Variants in REX1BD observed in about 807,000 individuals in gnomAD.
The protein encoded by REX1BD is required for excision 1-B domain containing, also known as required for excision 1-B domain-containing protein.
In REX1BD, 22 loss-of-function variants were observed where a neutral mutation model predicts 24.4. The observed-to-expected ratio is 0.90, with a 90% CI of 0.64 to 1.29. The LOEUF (loss-of-function observed/expected upper bound fraction) is 1.29. Ranked by LOEUF, REX1BD falls within the 50% of genes most tolerant of loss-of-function variation. REX1BD has a pLI of 0.00. For missense variants in REX1BD, 293 were observed against 285.3 expected, an observed-to-expected ratio of 1.03 and a Z score of -0.19; for synonymous variants, 146 against 125.9, an observed-to-expected ratio of 1.16 and a Z score of -1.07.
intron 4 of REX1BD, 99 bp from the exon 5 acceptor site, chr19:18,592,009 G>T: frequency 7.1e-7 from 1 of 1,413,910 alleles, no homozygotes; most frequent in Non-Finnish European, 9.9e-7. Flanking sequence ...GGGCAGGAGG[G>T]CCTGGGGCTC....
At chr19:18,589,321 T>C (rs1192043867) in intron 2 of REX1BD, 92 bp from the exon 3 acceptor site, 2 of 1,545,906 alleles carry the variant, frequency 1.3e-6, no homozygotes, top group African/African-American at 1.4e-5. Context: ...GGTGGGCCTG[T>C]CTCGCGTTCC....
In REX1BD at chr19:18,589,340, A is replaced by G. The variant is rs994846767; in HGVS notation, c.183-73A>G. ...GGCCTGTCTCGCGTTCCCCTGCGGGAGTCAGGAAGCGTCCTTCCTACCTAC... is the reference window on the plus strand; with the variant it reads ...GGCCTGTCTCGCGTTCCCCTGCGGGGGTCAGGAAGCGTCCTTCCTACCTAC... On this transcript the variant is annotated intron_variant, in intron 2 of 4. Coordinates refer to ENST00000358607, the MANE Select transcript of REX1BD (RefSeq NM_001100418.2). 7.1e-6 allele frequency: 11 copies of G among 1,548,348 alleles called. No homozygotes were observed. In the Admixed American group the frequency reaches 1.4e-4, roughly 19 times the overall value.
At position 18,589,314 on chromosome 19, in the gene REX1BD, G is replaced by A. The variant is rs183249663; in HGVS notation, c.183-99G>A. On this transcript the variant is annotated intron_variant, in intron 2 of 4. Coordinates refer to ENST00000358607, the MANE Select transcript of REX1BD (RefSeq NM_001100418.2). Reference sequence around the variant, plus strand: ...CTCTCTCCTCCCCAAGAGCAGGGGTGGGCCTGTCTCGCGTTCCCCTGCGGG... The same window carrying A: ...CTCTCTCCTCCCCAAGAGCAGGGGTAGGCCTGTCTCGCGTTCCCCTGCGGG... 1,458 of 1,544,724 alleles carry A rather than the reference G, an allele frequency of 9.4e-4. 25 individuals are homozygous for A. The Admixed American group carries it at 0.023, about 25-fold the overall frequency.
chr19:18,589,749 C>T (rs1359905718), intron 3 of REX1BD, 66 bp downstream of exon 3: 4 of 1,431,080 alleles, frequency 2.8e-6, no homozygotes, highest in Non-Finnish European at 3.6e-6. Flanking sequence ...ATGACGCACC[C>T]CTGGTTGGGG....
At chr19:18,590,675 C>T in intron 3 of REX1BD, 179 bp from the exon 4 acceptor site, 3 of 590,804 alleles carry the variant, frequency 5.1e-6, no homozygotes, top group Non-Finnish European at 8.9e-6. Flanking sequence ...CTGCTGTCTC[C>T]TTTCTGAGAG....
At chr19:18,590,225 T>TTGTTTTTCTTTTG (rs1481326591) in intron 3 of REX1BD, 1 of 127,244 alleles carries the variant, frequency 7.9e-6, no homozygotes, top group African/African-American at 3.0e-5. Context: ...TTTTTTTTTT[T>TTGTTTTTCTTTTG]TTTTTTTTTT....
In REX1BD at chr19:18,589,016, C is replaced by T; in HGVS notation, c.121C>T (p.Leu41=). 6.5e-7 allele frequency: 1 copy of T among 1,527,956 alleles called. No individual in the cohort carries two copies. Among genetic ancestry groups the T allele is most frequent in the Non-Finnish European group, 8.7e-7 (1 of 1,143,930 alleles). 94.6% of individuals were successfully genotyped at this position (1,527,956 alleles called of 1,614,324 possible). A position where few individuals can be genotyped will look rare whatever the true frequency, so the allele number is the denominator to read the frequency against. ...GCAGAAAGACGCCCCGATCCGGACGCTGGTGCAGCGCATCCACCAGCTGCA... is the reference window on the plus strand; with the variant it reads ...GCAGAAAGACGCCCCGATCCGGACGTTGGTGCAGCGCATCCACCAGCTGCA... ...WPWKDAPIRT[L]VQRIHQLQAE... Residue 41 remains leucine, a synonymous_variant, in exon 2 of 5, where the codon CTG becomes TTG. Coordinates refer to ENST00000358607, the MANE Select transcript of REX1BD (RefSeq NM_001100418.2).
chr19:18,592,184 C>T lies in REX1BD; in HGVS notation c.*4C>T, dbSNP rs773417773. ...TGATGCGGAATCTGCCGAGTGATGG[C>T]GGCTCCCCAGGGATGCGCCGAGGGA... On this transcript the variant is annotated 3_prime_UTR_variant, in exon 5 of 5. Coordinates refer to ENST00000358607, the MANE Select transcript of REX1BD (RefSeq NM_001100418.2). 12 of 1,613,864 alleles carry T rather than the reference C, an allele frequency of 7.4e-6. No homozygotes were observed. The East Asian group carries it at 8.9e-5, about 12-fold the overall frequency.
chr19:18,589,190 G>A lies in REX1BD; in HGVS notation c.182+113G>A, dbSNP rs532764439. 123 of 1,494,158 alleles carry A rather than the reference G, an allele frequency of 8.2e-5. No homozygotes were observed. The African/African-American group carries it at 1.6e-3, about 20-fold the overall frequency. The allele number at this position is 1,494,158 out of a possible 1,614,324, so 92.6% of individuals were successfully genotyped here. A position where few individuals can be genotyped will look rare whatever the true frequency, so the allele number is the denominator to read the frequency against. On this transcript the variant is annotated intron_variant, in intron 2 of 4. Transcript: ENST00000358607. ...AGCTGGGTCCTTGTGTGGCTGCAGA[G>A]TCAGATGGGGCGGGGATTTCGGGGC...
In REX1BD at chr19:18,589,145, G is replaced by A. The variant is rs376425640; in HGVS notation, c.182+68G>A. 48 of 1,463,368 alleles carry A rather than the reference G, an allele frequency of 3.3e-5. No individual in the cohort carries two copies. In the African/African-American group the frequency reaches 5.7e-4, roughly 17 times the overall value. 90.6% of individuals were successfully genotyped at this position (1,463,368 alleles called of 1,614,324 possible). On this transcript the variant is annotated intron_variant, in intron 2 of 4. Transcript: ENST00000358607. ...CGCTCCGGGCGTGGGCGTGTTCTCG[G>A]CGGGCGTGCCTGGAGGAGGAGCTGG... is the stretch of plus-strand genomic sequence containing the variant.
intron 2 of REX1BD, 43 bp downstream of exon 2, chr19:18,589,120 C>T: frequency 1.4e-6 from 2 of 1,461,306 alleles, no homozygotes; most frequent in Non-Finnish European, 9.0e-7. Context: ...GTCCCCCGCC[C>T]GCTCCGGGCG....
chr19:18,589,357 C>T, intron 2 of REX1BD, 56 bp from the exon 3 acceptor site: 1 of 1,550,054 alleles, frequency 6.5e-7, no homozygotes, highest in Non-Finnish European at 8.7e-7. Context: ...AAGCGTCCTT[C>T]CTACCTACCA....
At chr19:18,590,013 C>G in intron 3 of REX1BD, 1 of 334,096 alleles carries the variant, frequency 3.0e-6, no homozygotes, top group Non-Finnish European at 5.5e-6. Context: ...GTCCCACCCT[C>G]AACCTCCCGT....
At position 18,592,187 on chromosome 19, in the gene REX1BD, C is replaced by T; in HGVS notation, c.*7C>T. 1 of 1,613,976 alleles carries T rather than the reference C, an allele frequency of 6.2e-7. No individual in the cohort carries two copies. The highest frequency in any genetic ancestry group is 1.3e-5 in the African/African-American group (1 of 75,066). The stretch of plus-strand genomic sequence containing the variant: ...TGCGGAATCTGCCGAGTGATGGCGG[C>T]TCCCCAGGGATGCGCCGAGGGAGAT... On this transcript the variant is annotated 3_prime_UTR_variant, in exon 5 of 5. Transcript: ENST00000358607.
rs34613961 is a variant in REX1BD at position 18,590,890 on chromosome 19, G to A, written c.490G>A (p.Ala164Thr). Residue 164 changes from alanine to threonine, a missense_variant, in exon 4 of 5, where the codon GCG (alanine) becomes ACG (threonine). Coordinates refer to ENST00000358607, the MANE Select transcript of REX1BD (RefSeq NM_001100418.2). ...GCAGTTGATGGAGACGCCAGAGCTG[G>A]CGGGGCAGGAGGACGCTGTACGGAT... ...LLQLMETPELAGQEDAVRMQQ... is the reference protein window; with the variant it reads ...LLQLMETPELTGQEDAVRMQQ... The A allele has an allele frequency of 4.9e-3, 7,870 of 1,605,342 alleles. 32 individuals carry two copies. Among genetic ancestry groups the A allele is most frequent in the Non-Finnish European group, 6.1e-3 (7,187 of 1,176,470 alleles).
Position 18,589,084 on chromosome 19 carries a change from G to C in REX1BD, c.182+7G>C, listed in dbSNP as rs552876017. ...GCTTCCGCCGACTGGAGGAGTGAGT[G>C]GGGGCGCGGAGGGGCTCAGGGTTCG... On this transcript the variant is annotated splice_region_variant and intron_variant, in intron 2 of 4. Transcript: ENST00000358607. 321 of 1,500,382 alleles carry C rather than the reference G, an allele frequency of 2.1e-4. 1 individual carries two copies. The highest frequency in any genetic ancestry group is 1.7e-3 in the African/African-American group (120 of 71,900). 92.9% of individuals were successfully genotyped at this position (1,500,382 alleles called of 1,614,324 possible). A position where few individuals can be genotyped will look rare whatever the true frequency, so the allele number is the denominator to read the frequency against.
chr19:18,591,134 T>G, intron 4 of REX1BD: 1 of 523,834 alleles, frequency 1.9e-6, no homozygotes, highest in Non-Finnish European at 3.4e-6. Context: ...CACTGCTGTA[T>G]ACCTCGACAC....
At position 18,592,280 on chromosome 19, in the gene REX1BD, G is replaced by T; in HGVS notation, c.*100G>T. 1 of 1,301,266 alleles carries T rather than the reference G, an allele frequency of 7.7e-7. No individual in the cohort carries two copies. Among genetic ancestry groups the T allele is most frequent in the Non-Finnish European group, 1.1e-6 (1 of 907,244 alleles). The allele number at this position is 1,301,266 out of a possible 1,614,324, so 80.6% of individuals were successfully genotyped here. On this transcript the variant is annotated 3_prime_UTR_variant, in exon 5 of 5. Transcript: ENST00000358607. ...GCTGGCTGGGGTTGCGCCCCACTGC[G>T]CTGCTGACCTTCCTGCAGTTCCAGA...
At chr19:18,591,052 C>G in intron 4 of REX1BD, 119 bp downstream of exon 4, 1 of 933,526 alleles carries the variant, frequency 1.1e-6, no homozygotes, top group Non-Finnish European at 1.5e-6. Flanking sequence ...CACCTGGTGG[C>G]CCTCAGATGT....
Sources: gnomAD v4.1 joint callset for allele counts on GRCh38, gnomAD v4.1.1 for gene constraint, MANE v1.5 for transcripts, NCBI Gene and HGNC (gene_info 2026-07-23, HGNC 2026-07-21) for gene names.